DYNC1I1: variants seen among roughly 807,000 people sequenced by gnomAD.
DYNC1I1 encodes the protein cytoplasmic dynein 1 intermediate chain 1.
A neutral mutation model predicts 86.6 loss-of-function variants in DYNC1I1; 43 were observed. The observed-to-expected ratio is 0.50, with a 90% CI of 0.39 to 0.64. DYNC1I1 has a LOEUF of 0.64. Among genes scored for constraint, DYNC1I1 ranks in the 30% least tolerant of loss-of-function variants. The pLI is 0.00. For missense variants in DYNC1I1, 604 were observed against 788.8 expected, an observed-to-expected ratio of 0.77 and a Z score of 2.81; for synonymous variants, 262 against 283.7, an observed-to-expected ratio of 0.92 and a Z score of 0.77.
At chr7:95,993,283 A>C (rs1395558549) in intron 9 of DYNC1I1, among the ~76,000 whole-genome samples, 1 of 152,196 alleles carries the variant, frequency 6.6e-6, no homozygotes, top group Non-Finnish European at 1.5e-5. Context: ...ATGACATTTC[A>C]CTGGTAATTT....
chr7:96,050,844 G>A (rs1203684305), intron 14 of DYNC1I1, among the ~76,000 whole-genome samples: 1 of 151,970 alleles, frequency 6.6e-6, no homozygotes, highest in African/African-American at 2.4e-5. Flanking sequence ...TGCTTTTAGA[G>A]GATAGTAAAA....
chr7:95,926,519 AT>A (rs1791750161), intron 6 of DYNC1I1, among the ~76,000 whole-genome samples: 1 of 152,190 alleles, frequency 6.6e-6, no homozygotes, highest in South Asian at 2.1e-4. Flanking sequence ...TTATTTCTGA[AT>A]GTTAGAATTA....
At chr7:95,949,357 A>C (rs1317319610) in intron 6 of DYNC1I1, among the ~76,000 whole-genome samples, 1 of 152,162 alleles carries the variant, frequency 6.6e-6, no homozygotes, top group Non-Finnish European at 1.5e-5. Flanking sequence ...GCACTAAGCG[A>C]CCCATTACTG....
At chr7:95,879,376 G>T (rs1431961323) in intron 6 of DYNC1I1, among the ~76,000 whole-genome samples, 2 of 145,314 alleles carry the variant, frequency 1.4e-5, no homozygotes, top group African/African-American at 2.5e-5. Flanking sequence ...ATTCTCCATT[G>T]TTCTTTTTTT....
intron 9 of DYNC1I1, among the ~76,000 whole-genome samples, chr7:95,987,908 C>A (rs915454353): frequency 3.3e-5 from 5 of 152,186 alleles, no homozygotes; most frequent in African/African-American, 4.8e-5. Flanking sequence ...TCAACATTGC[C>A]AACTTCCTCT....
At chr7:95,897,295 G>T (rs2116293451) in intron 6 of DYNC1I1, among the ~76,000 whole-genome samples, 1 of 152,128 alleles carries the variant, frequency 6.6e-6, no homozygotes, top group South Asian at 2.1e-4. Flanking sequence ...CTAGGAAAAT[G>T]AATTTATGTT....
chr7:96,009,265 C>T (rs527388388), intron 10 of DYNC1I1, among the ~76,000 whole-genome samples: 8 of 152,274 alleles, frequency 5.3e-5, no homozygotes, highest in East Asian at 3.9e-4. Flanking sequence ...AATGACTGCC[C>T]GTGAAGCTAA....
chr7:95,815,463 A>T (rs906111642), intron 4 of DYNC1I1, among the ~76,000 whole-genome samples: 4 of 152,222 alleles, frequency 2.6e-5, no homozygotes, highest in African/African-American at 9.6e-5. Context: ...TGAGGAGAAC[A>T]CATTAAGAAT....
intron 6 of DYNC1I1, among the ~76,000 whole-genome samples, chr7:95,950,855 A>G (rs921895013): frequency 1.3e-5 from 2 of 152,226 alleles, no homozygotes; most frequent in African/African-American, 4.8e-5. Flanking sequence ...CACACATGGG[A>G]TAATCATGAC....
chr7:95,901,475 A>G (rs1427793639), intron 6 of DYNC1I1, among the ~76,000 whole-genome samples: 2 of 152,220 alleles, frequency 1.3e-5, no homozygotes, highest in African/African-American at 4.8e-5. Flanking sequence ...GGTGTACACC[A>G]AATATCTTTT....
intron 16 of DYNC1I1, 146 bp downstream of exon 16, chr7:96,080,634 C>G: frequency 7.5e-7 from 1 of 1,326,708 alleles, no homozygotes; most frequent in South Asian, 1.3e-5. Flanking sequence ...GCTAGTTTGG[C>G]GAGACTTCCT....
chr7:95,908,836 G>C (rs1791245102), intron 6 of DYNC1I1, among the ~76,000 whole-genome samples: 1 of 152,126 alleles, frequency 6.6e-6, no homozygotes, highest in South Asian at 2.1e-4. Context: ...ATCATATCCA[G>C]AGTCATAGTA....
intron 14 of DYNC1I1, among the ~76,000 whole-genome samples, chr7:96,061,987 G>A (rs1015666009): frequency 2.3e-4 from 35 of 152,264 alleles, no homozygotes; most frequent in African/African-American, 7.7e-4. Context: ...TTGAGTTTTA[G>A]CCAAAAACCC....
At chr7:95,795,819 C>T (rs908235263) in intron 1 of DYNC1I1, among the ~76,000 whole-genome samples, 1 of 151,574 alleles carries the variant, frequency 6.6e-6, no homozygotes, top group African/African-American at 2.4e-5. Flanking sequence ...TAAAATAATC[C>T]ATAAAACAAG....
intron 14 of DYNC1I1, among the ~76,000 whole-genome samples, chr7:96,051,085 TG>T (rs978503164): frequency 6.6e-6 from 1 of 152,208 alleles, no homozygotes; most frequent in African/African-American, 2.4e-5. Context: ...GCTGAGGTTT[TG>T]GATAATTTTT....
At chr7:96,041,472 C>T (rs986544317) in intron 14 of DYNC1I1, among the ~76,000 whole-genome samples, 1 of 151,984 alleles carries the variant, frequency 6.6e-6, no homozygotes. Flanking sequence ...GAATCTATGC[C>T]AAAGATATAC....
At chr7:95,907,380 G>A (rs145965660) in intron 6 of DYNC1I1, among the ~76,000 whole-genome samples, 1 of 152,092 alleles carries the variant, frequency 6.6e-6, no homozygotes, top group East Asian at 1.9e-4. Context: ...GGAAACTTTA[G>A]GACTTCTGTC....
At chr7:96,010,617 T>G (rs1794252991) in intron 10 of DYNC1I1, among the ~76,000 whole-genome samples, 1 of 152,164 alleles carries the variant, frequency 6.6e-6, no homozygotes, top group Non-Finnish European at 1.5e-5. Flanking sequence ...AAGGGCTTTT[T>G]GGGGGTGGAG....
intron 6 of DYNC1I1, among the ~76,000 whole-genome samples, chr7:95,948,387 C>A (rs148188180): frequency 6.6e-6 from 1 of 152,240 alleles, no homozygotes; most frequent in Non-Finnish European, 1.5e-5. Context: ...GGGTTGTCCA[C>A]ATTTGTCAGT....
Sources: allele counts gnomAD v4.1 joint callset (sites outside exome capture counted in the v4.1 genomes callset), GRCh38; gene constraint gnomAD v4.1.1; transcripts MANE v1.5; gene names NCBI Gene and HGNC (gene_info 2026-07-23, HGNC 2026-07-21).